PACS2: variants seen among roughly 807,000 people sequenced by gnomAD.
PACS2 encodes phosphofurin acidic cluster sorting protein 2.
A neutral mutation model predicts 113.0 loss-of-function variants in PACS2; 36 were observed. The ratio of observed to expected loss-of-function variants is 0.32; its 90% CI spans 0.24 to 0.42. The LOEUF (loss-of-function observed/expected upper bound fraction) is 0.42. Among genes scored for constraint, PACS2 ranks in the 10% least tolerant of loss-of-function variants. PACS2 has a pLI of 1.00. For synonymous variants in PACS2, 589 were observed against 536.1 expected (o/e 1.10, Z -1.36); for missense variants, 1,015 against 1,239.5 (o/e 0.82, Z 2.72).
At chr14:105,325,424 C>T (rs587673352) in intron 1 of PACS2, among the ~76,000 whole-genome samples, 2 of 152,310 alleles carry the variant, frequency 1.3e-5, no homozygotes, top group South Asian at 4.1e-4. Flanking sequence ...CCTTGCTTGG[C>T]AGAGGAGTTT....
chr14:105,385,602 A>C, intron 18 of PACS2, 83 bp from the exon 19 acceptor site: 1 of 903,438 alleles, frequency 1.1e-6, no homozygotes, highest in Non-Finnish European at 1.6e-6. Flanking sequence ...GATGGGAGCC[A>C]CTGAGTGCCC....
At chr14:105,371,923 A>T (rs1459191748) in intron 8 of PACS2, 1 of 152,172 alleles carries the variant, frequency 6.6e-6, no homozygotes, top group Non-Finnish European at 1.5e-5. Context: ...GTGTGGTGAG[A>T]GGGCCTGACA....
chr14:105,330,731 C>A lies in PACS2; in HGVS notation c.119+15694C>A, dbSNP rs2059277537. On this transcript the variant is annotated intron_variant, in intron 1 of 24. Transcript: ENST00000447393. This position sits in a 1 kb window ranked among gnomAD's most constrained non-coding sequence, Gnocchi z 6.9. ...CTTTTCTCAGGCAATCGCCATGGTA[C>A]CCAGGGCTGGCCTTGTTTCAGCTTC... 6.6e-6 allele frequency among the ~76,000 whole-genome samples: 1 copy of A among 152,254 alleles called. No individual in the cohort carries two copies. Among genetic ancestry groups the A allele is most frequent in the Non-Finnish European group, 1.5e-5 (1 of 68,046 alleles).
intron 17 of PACS2, among the ~76,000 whole-genome samples, 158 bp from the exon 18 acceptor site, chr14:105,384,721 G>T (rs974753600): frequency 3.9e-5 from 6 of 152,122 alleles, no homozygotes; most frequent in Non-Finnish European, 1.5e-5. Context: ...GTACTGCCTC[G>T]AGAGTAGAGC....
chr14:105,309,666 G>A (rs587606802), upstream of PACS2, among the ~76,000 whole-genome samples: 20 of 152,218 alleles, frequency 1.3e-4, no homozygotes, highest in Admixed American at 1.2e-3. This position sits in a 1 kb window ranked among gnomAD's most constrained non-coding sequence, Gnocchi z 4.0. Context: ...CGCTGCCTGC[G>A]CCCAACCCAG....
At position 105,365,424 on chromosome 14, in the gene PACS2, G is replaced by A. The variant is rs2060911301; in HGVS notation, c.424-1789G>A. On this transcript the variant is annotated intron_variant, in intron 4 of 24. Coordinates refer to ENST00000447393, the MANE Select transcript of PACS2 (RefSeq NM_001100913.3). This position sits in a 1 kb window ranked among gnomAD's most constrained non-coding sequence, Gnocchi z 5.1. Reference sequence around the variant, plus strand: ...TCGACCACAGGCTGAGTGGAGCGGGGGCTAATCAACAACCCGCCCCTGGCC... The same window carrying A: ...TCGACCACAGGCTGAGTGGAGCGGGAGCTAATCAACAACCCGCCCCTGGCC... 1.3e-5 allele frequency among the ~76,000 whole-genome samples: 2 copies of A among 152,266 alleles called. No homozygotes were observed. The highest frequency in any genetic ancestry group is 4.1e-4 in the South Asian group (2 of 4,822).
chr14:105,392,534 C>T, intron 22 of PACS2, 85 bp from the exon 23 acceptor site: 1 of 1,238,786 alleles, frequency 8.1e-7, no homozygotes, highest in Non-Finnish European at 1.1e-6. Flanking sequence ...CTGGCTGTCA[C>T]CTCCTGGCCT....
chr14:105,335,486 G>A lies in PACS2; in HGVS notation c.120-13007G>A, dbSNP rs587706199. Among the ~76,000 whole-genome samples the A allele has an allele frequency of 7.5e-4, 114 of 152,338 alleles. 1 individual carries two copies. The highest frequency in any genetic ancestry group is 2.6e-3 in the African/African-American group (110 of 41,570). ...GCGCCTGGCATGGCTGTGATGTGCT[G>A]ACTCCGGCACCATCAGTTCCTTCCC... On this transcript the variant is annotated intron_variant, in intron 1 of 24. Transcript: ENST00000447393.
rs1030261474 is a variant in PACS2 at position 105,355,398 on chromosome 14, G to A, written c.423+221G>A. Reference sequence around the variant, plus strand: ...CCCTTGCCGCCTAGCATGGCTCCCCGCATGCCTGCAGCCGCGCGCACTCCC... The same window carrying A: ...CCCTTGCCGCCTAGCATGGCTCCCCACATGCCTGCAGCCGCGCGCACTCCC... On this transcript the variant is annotated intron_variant, in intron 4 of 24. Transcript: ENST00000447393. This position sits in a 1 kb window ranked among gnomAD's most constrained non-coding sequence, Gnocchi z 4.1. Among the ~76,000 whole-genome samples, 3 of 152,354 alleles carry A rather than the reference G, an allele frequency of 2.0e-5. No individual in the cohort carries two copies. Among genetic ancestry groups the A allele is most frequent in the African/African-American group, 7.2e-5 (3 of 41,586 alleles).
At chr14:105,371,666 C>T (rs1349027038) in intron 8 of PACS2, 2 of 152,332 alleles carry the variant, frequency 1.3e-5, no homozygotes, top group Non-Finnish European at 2.9e-5. Context: ...CCTGGCACTG[C>T]CCCCTGCCCA....
Position 105,348,559 on chromosome 14 carries a change from G to A in PACS2, c.186G>A (p.Val62=). The A allele has an allele frequency of 1.2e-6, 2 of 1,612,018 alleles. No individual in the cohort carries two copies. The highest frequency in any genetic ancestry group is 2.2e-5 in the East Asian group (1 of 44,882). The change falls in exon 2 of 25, where the codon GTG becomes GTA. Residue 62 remains valine, a synonymous_variant. Coordinates refer to ENST00000447393, the MANE Select transcript of PACS2 (RefSeq NM_001100913.3). This position sits in a 1 kb window ranked among gnomAD's most constrained non-coding sequence, Gnocchi z 6.4. The part of the protein sequence containing the change: ...FKELEKELIS[V]VIAVKMQGSK... ...AGCTGGAGAAGGAGCTGATCTCCGT[G>A]GTGATCGCTGTCAAGATGCAGGTGA...
chr14:105,389,897 G>T (rs1183478162), intron 19 of PACS2, 64 bp from the exon 20 acceptor site: 9 of 1,446,518 alleles, frequency 6.2e-6, no homozygotes, highest in Non-Finnish European at 1.9e-6. Flanking sequence ...CCAAGAGGGA[G>T]CTGTGCCCAC....
chr14:105,376,660 C>T lies in PACS2; in HGVS notation c.802-108C>T. ...CGTGCTGAGTGGAGGGGTTTGGTGG[C>T]TGGGTGCCCGCCTCCTATTGCTCCT... On this transcript the variant is annotated intron_variant, in intron 8 of 24. Coordinates refer to ENST00000447393, the MANE Select transcript of PACS2 (RefSeq NM_001100913.3). The surrounding 1 kb of genome is among the most constrained non-coding windows in gnomAD (Gnocchi z 4.7). The T allele has an allele frequency of 9.8e-7, 1 of 1,018,736 alleles. No individual in the cohort carries two copies. The highest frequency in any genetic ancestry group is 1.4e-6 in the Non-Finnish European group (1 of 695,228). The allele number at this position is 1,018,736 out of a possible 1,614,324, so 63.1% of individuals were successfully genotyped here. A position where few individuals can be genotyped will look rare whatever the true frequency, so the allele number is the denominator to read the frequency against.
rs2081487741 is a variant in PACS2 at position 105,394,757 on chromosome 14, G to A, written c.*85G>A. The A allele has an allele frequency of 8.1e-6, 7 of 868,822 alleles. No individual in the cohort carries two copies. The highest frequency in any genetic ancestry group is 7.9e-6 in the Non-Finnish European group (4 of 505,888). 53.8% of individuals were successfully genotyped at this position (868,822 alleles called of 1,614,324 possible). ...TGTTAACATTTCAGTTTACTACAGA[G>A]ACAGACGCTTAAAACACAAAGAGAA... On this transcript the variant is annotated 3_prime_UTR_variant, in exon 25 of 25. Coordinates refer to ENST00000447393, the MANE Select transcript of PACS2 (RefSeq NM_001100913.3).
intron 1 of PACS2, among the ~76,000 whole-genome samples, chr14:105,331,978 T>G (rs150935525): frequency 6.6e-6 from 1 of 152,376 alleles, no homozygotes; most frequent in East Asian, 1.9e-4. Context: ...GTTGTGGTTT[T>G]GAGGAGTCTG....
chr14:105,303,551 G>GT (rs1460030955), intron 1 of PACS2, among the ~76,000 whole-genome samples: 3 of 152,040 alleles, frequency 2.0e-5, no homozygotes, highest in Admixed American at 6.6e-5. Context: ...CCTTTTCCTA[G>GT]TTTTTTAAGG....
rs756086541 is a variant in PACS2 at position 105,315,989 on chromosome 14, C to A, written c.119+952C>A. Among the ~76,000 whole-genome samples, 10 of 152,214 alleles carry A rather than the reference C, an allele frequency of 6.6e-5. No individual in the cohort carries two copies. The highest frequency in any genetic ancestry group is 1.5e-4 in the Non-Finnish European group (10 of 68,038). ...GCCAGTATGCCTGGAGGGGACCCCA[C>A]GTGGCATTGAGTTGTTCCACCCCTA... is the stretch of plus-strand genomic sequence containing the variant. On this transcript the variant is annotated intron_variant, in intron 1 of 24. Transcript: ENST00000447393. The surrounding 1 kb of genome is among the most constrained non-coding windows in gnomAD (Gnocchi z 4.4).
At chr14:105,387,392 T>C (rs1172755202) in intron 19 of PACS2, among the ~76,000 whole-genome samples, 5 of 152,176 alleles carry the variant, frequency 3.3e-5, no homozygotes, top group Non-Finnish European at 5.9e-5. Flanking sequence ...GTGCAGCGCA[T>C]GGGTGGAAAG....
chr14:105,327,896 G>T (rs970342767), intron 1 of PACS2, among the ~76,000 whole-genome samples: 3 of 150,824 alleles, frequency 2.0e-5, no homozygotes, highest in African/African-American at 7.4e-5. Flanking sequence ...TTGGCTCACC[G>T]GCCCAGGCCA....
Sources: allele counts gnomAD v4.1 joint callset (sites outside exome capture counted in the v4.1 genomes callset), GRCh38; gene constraint gnomAD v4.1.1; non-coding constraint Gnocchi (gnomAD v3.1); transcripts MANE v1.5; gene names NCBI Gene and HGNC (gene_info 2026-07-23, HGNC 2026-07-21).